ATP10D: variants seen among roughly 807,000 people sequenced by gnomAD.
The protein encoded by ATP10D is ATPase phospholipid transporting 10D (putative).
Under a neutral mutation model 144.8 loss-of-function variants are expected in ATP10D, and 89 were observed. The observed-to-expected ratio is 0.61, with a 90% confidence interval of 0.52 to 0.73. The LOEUF (loss-of-function observed/expected upper bound fraction) is 0.73. Among genes scored for constraint, ATP10D ranks in the 30% least tolerant of loss-of-function variants. ATP10D has a pLI of 0.00. For missense variants in ATP10D, 1,603 were observed against 1,714.8 expected, an observed-to-expected ratio of 0.93 and a Z score of 1.15; for synonymous variants, 571 against 615.1, an observed-to-expected ratio of 0.93 and a Z score of 1.06.
rs531861059 is a variant in ATP10D, at chr4:47,512,461, G to A, written c.-37-43G>A. The A allele has an allele frequency of 4.7e-5, 61 of 1,301,994 alleles. 1 individual carries two copies. Among genetic ancestry groups the A allele is most frequent in the East Asian group, 2.1e-4 (9 of 42,896 alleles). 80.7% of individuals were successfully genotyped at this position (1,301,994 alleles called of 1,614,324 possible). A position where few individuals can be genotyped will look rare whatever the true frequency, so the allele number is the denominator to read the frequency against. On this transcript the variant is annotated intron_variant, in intron 1 of 22. Transcript: ENST00000273859. ...ATTAAAATTTCACTATCTTTGAGAC[G>A]TTTCAGAAGCTCATGGAAGTGTGGT...
At chr4:47,567,576 G>A (rs139097365) in intron 15 of ATP10D, among the ~76,000 whole-genome samples, 2 of 152,240 alleles carry the variant, frequency 1.3e-5, no homozygotes, top group African/African-American at 4.8e-5. Flanking sequence ...TGATTGCGAG[G>A]CATGTTACTT....
chr4:47,568,013 A>T (rs1719732436), intron 15 of ATP10D, among the ~76,000 whole-genome samples: 1 of 152,228 alleles, frequency 6.6e-6, no homozygotes. Context: ...TAATTTCTGG[A>T]TAAGCTTATT....
intron 10 of ATP10D, among the ~76,000 whole-genome samples, chr4:47,548,378 A>T (rs1006661109): frequency 6.6e-6 from 1 of 151,984 alleles, no homozygotes; most frequent in African/African-American, 2.4e-5. Flanking sequence ...TTTTCTGAAG[A>T]CCTCTCAGAT....
intron 11 of ATP10D, 113 bp downstream of exon 11, chr4:47,555,027 G>GAATCAGTGTTATACAGC: frequency 2.2e-6 from 2 of 911,576 alleles, no homozygotes; most frequent in Non-Finnish European, 3.4e-6. Context: ...AATAGTAGCT[G>GAATCAGTGTTATACAGC]TATAACACTG....
chr4:47,500,524 C>T (rs941232564), intron 1 of ATP10D, among the ~76,000 whole-genome samples: 4 of 152,138 alleles, frequency 2.6e-5, no homozygotes, highest in African/African-American at 9.7e-5. Context: ...ACAGAATTTG[C>T]GGACTGACAT....
chr4:47,532,028 C>T (rs1234216445), intron 5 of ATP10D, among the ~76,000 whole-genome samples: 1 of 152,168 alleles, frequency 6.6e-6, no homozygotes, highest in Non-Finnish European at 1.5e-5. Flanking sequence ...AAATTCTGAT[C>T]CTGTGTCCCA....
At chr4:47,518,804 A>G (rs1216650223) in intron 3 of ATP10D, among the ~76,000 whole-genome samples, 1 of 152,180 alleles carries the variant, frequency 6.6e-6, no homozygotes, top group Non-Finnish European at 1.5e-5. Context: ...TTTGGTGGTT[A>G]TCAGAAGTGA....
chr4:47,506,645 C>A (rs1463835175), intron 1 of ATP10D, among the ~76,000 whole-genome samples: 1 of 152,148 alleles, frequency 6.6e-6, no homozygotes, highest in African/African-American at 2.4e-5. Context: ...CCTCTAAGGA[C>A]AGCAGATTAC....
chr4:47,531,743 G>A (rs1226715213), intron 5 of ATP10D, among the ~76,000 whole-genome samples: 1 of 152,096 alleles, frequency 6.6e-6, no homozygotes, highest in African/African-American at 2.4e-5. Context: ...TCTTGTAAAT[G>A]TCAGAATCAG....
At chr4:47,590,976 TGGGG>T in intron 22 of ATP10D, 62 bp from the exon 23 acceptor site, 3 of 953,964 alleles carry the variant, frequency 3.1e-6, no homozygotes, top group Non-Finnish European at 2.9e-6. Context: ...CGTTAGTATT[TGGGG>T]GGGGGGGTTC....
At chr4:47,510,034 C>T (rs112377420) in intron 1 of ATP10D, among the ~76,000 whole-genome samples, 5 of 150,516 alleles carry the variant, frequency 3.3e-5, no homozygotes, top group Admixed American at 2.7e-4. Context: ...GAGCAGTTAA[C>T]GCATTTCAAA....
At chr4:47,578,916 T>A (rs1720372150) in intron 19 of ATP10D, among the ~76,000 whole-genome samples, 1 of 152,190 alleles carries the variant, frequency 6.6e-6, no homozygotes, top group African/African-American at 2.4e-5. Context: ...TATGGAGAAT[T>A]TGTATATTTA....
chr4:47,546,192 G>A (rs1718415810), intron 9 of ATP10D, among the ~76,000 whole-genome samples: 1 of 152,184 alleles, frequency 6.6e-6, no homozygotes, highest in African/African-American at 2.4e-5. Context: ...CAACAGCAAT[G>A]TCAGTGGAGA....
At chr4:47,508,932 G>C (rs985313319) in intron 1 of ATP10D, among the ~76,000 whole-genome samples, 5 of 152,212 alleles carry the variant, frequency 3.3e-5, no homozygotes, top group Admixed American at 2.0e-4. Flanking sequence ...ATTATGATTT[G>C]TGATAACGCT....
chr4:47,585,960 A>G (rs1720769472), intron 21 of ATP10D, among the ~76,000 whole-genome samples: 1 of 152,204 alleles, frequency 6.6e-6, no homozygotes, highest in Non-Finnish European at 1.5e-5. Flanking sequence ...CAAGCATAGG[A>G]GTGCAGATAT....
At chr4:47,507,283 A>C (rs1458851986) in intron 1 of ATP10D, among the ~76,000 whole-genome samples, 1 of 152,204 alleles carries the variant, frequency 6.6e-6, no homozygotes, top group East Asian at 1.9e-4. Context: ...TTATATATTA[A>C]CTCATTGAAT....
intron 1 of ATP10D, among the ~76,000 whole-genome samples, chr4:47,498,290 A>C (rs948871708): frequency 6.6e-6 from 1 of 152,202 alleles, no homozygotes; most frequent in African/African-American, 2.4e-5. Flanking sequence ...GGGACTAGAT[A>C]ATTATTTGTT....
intron 10 of ATP10D, among the ~76,000 whole-genome samples, chr4:47,550,565 G>A (rs1041442758): frequency 1.5e-4 from 23 of 152,142 alleles, no homozygotes; most frequent in African/African-American, 5.6e-4. Context: ...CCACTTCCAA[G>A]ATGGTGGCAA....
chr4:47,572,732 C>T lies in ATP10D; in HGVS notation c.3241-140C>T, dbSNP rs1720024007. On this transcript the variant is annotated intron_variant, in intron 17 of 22. Transcript: ENST00000273859. Reference sequence around the variant, plus strand: ...AGATAAAAGCTCATAATCCAAAAAACTGATTTTCATTCATGTATGGAACAA... The same window carrying T: ...AGATAAAAGCTCATAATCCAAAAAATTGATTTTCATTCATGTATGGAACAA... 9.3e-6 allele frequency: 10 copies of T among 1,076,394 alleles called. No homozygotes were observed. The South Asian group carries it at 1.1e-4, about 12-fold the overall frequency. The allele number at this position is 1,076,394 out of a possible 1,614,324, so 66.7% of individuals were successfully genotyped here.
Sources: allele counts gnomAD v4.1 joint callset (sites outside exome capture counted in the v4.1 genomes callset), GRCh38; gene constraint gnomAD v4.1.1; transcripts MANE v1.5; gene names NCBI Gene and HGNC (gene_info 2026-07-23, HGNC 2026-07-21).